The following RPSA2 variants were observed in gnomAD, a reference collection of about 807,000 sequenced individuals.
The protein encoded by RPSA2 is ribosomal protein SA 2.
the RPSA2 span, among the ~76,000 whole-genome samples, chr19:23,870,074 C>T: frequency 1.3e-5 from 2 of 152,152 alleles, no homozygotes; most frequent in African/African-American, 4.8e-5. Context: ...CTGTCTGAGC[C>T]TTGTGATGCC....
At chr19:23,826,141 A>T in the RPSA2 span, among the ~76,000 whole-genome samples, 8,642 of 151,760 alleles carry the variant, frequency 0.057, 277 homozygotes, top group Non-Finnish European at 0.065. Flanking sequence ...GCAAAGCTAA[A>T]TCTTAACACA....
chr19:23,773,532 T>A, the RPSA2 span, among the ~76,000 whole-genome samples: 1 of 152,154 alleles, frequency 6.6e-6, no homozygotes, highest in Non-Finnish European at 1.5e-5. Flanking sequence ...TCTGCCCGCC[T>A]CAGTCTCCCA....
At chr19:23,828,348 G>A in the RPSA2 span, among the ~76,000 whole-genome samples, 1 of 139,000 alleles carries the variant, frequency 7.2e-6, no homozygotes, top group African/African-American at 2.6e-5. Flanking sequence ...ATATTGTTGG[G>A]TAGTTTGTTT....
chr19:23,764,287 A>G, the RPSA2 span, among the ~76,000 whole-genome samples: 1 of 152,138 alleles, frequency 6.6e-6, no homozygotes, highest in African/African-American at 2.4e-5. Flanking sequence ...GCTTGCAGTA[A>G]AATTATAAAT....
chr19:23,863,527 G>C, the RPSA2 span, among the ~76,000 whole-genome samples: 8 of 135,846 alleles, frequency 5.9e-5, no homozygotes, highest in Admixed American at 8.0e-5. Flanking sequence ...TCACACCACT[G>C]TACTCCAGTC....
the RPSA2 span, chr19:23,833,206 A>G: frequency 1.0e-5 from 12 of 1,184,706 alleles, no homozygotes; most frequent in Non-Finnish European, 1.3e-5. Flanking sequence ...GAAAATTTAT[A>G]CTTGAAAGCA....
the RPSA2 span, among the ~76,000 whole-genome samples, chr19:23,805,145 ACACACACACACACACAC>A: frequency 1.3e-4 from 1 of 7,774 alleles, no homozygotes; most frequent in African/African-American, 1.7e-4. Context: ...ACACACACAC[ACACACACACACACACAC>A]ACTTTTTTTC....
the RPSA2 span, among the ~76,000 whole-genome samples, chr19:23,830,524 T>G: frequency 6.6e-6 from 1 of 152,328 alleles, no homozygotes. Context: ...TACATGTTTG[T>G]TATAAATATC....
At chr19:23,857,542 G>A in the RPSA2 span, among the ~76,000 whole-genome samples, 1 of 132,914 alleles carries the variant, frequency 7.5e-6, no homozygotes, top group African/African-American at 2.8e-5. Flanking sequence ...CCAGGCTAGA[G>A]TGCAGTGGTT....
At chr19:23,767,063 C>T in the RPSA2 span, among the ~76,000 whole-genome samples, 3 of 152,022 alleles carry the variant, frequency 2.0e-5, no homozygotes, top group African/African-American at 7.3e-5. Flanking sequence ...AACCATTCTC[C>T]TGCCTCAGCC....
At chr19:23,841,351 C>G in the RPSA2 span, among the ~76,000 whole-genome samples, 1 of 152,064 alleles carries the variant, frequency 6.6e-6, no homozygotes. Context: ...GTAGTCCCAG[C>G]TACTCGGGAG....
At chr19:23,870,958 T>C in the RPSA2 span, among the ~76,000 whole-genome samples, 42 of 152,348 alleles carry the variant, frequency 2.8e-4, no homozygotes, top group African/African-American at 8.7e-4. Flanking sequence ...TCCCTGGTGC[T>C]GTGCTCCTTG....
chr19:23,777,759 C>T, the RPSA2 span, among the ~76,000 whole-genome samples: 5 of 152,154 alleles, frequency 3.3e-5, no homozygotes, highest in African/African-American at 1.2e-4. Flanking sequence ...TCCTTGGGCT[C>T]AGCACCCAGG....
chr19:23,797,161 G>A, the RPSA2 span, among the ~76,000 whole-genome samples: 3 of 152,066 alleles, frequency 2.0e-5, no homozygotes, highest in Non-Finnish European at 2.9e-5. Flanking sequence ...CCCAGGCCAA[G>A]TGCAATGGCA....
At chr19:23,863,716 A>G in the RPSA2 span, among the ~76,000 whole-genome samples, 1 of 152,226 alleles carries the variant, frequency 6.6e-6, no homozygotes, top group African/African-American at 2.4e-5. Context: ...CTTCCTAGAG[A>G]CAAGCTGGAC....
chr19:23,809,881 C>G, the RPSA2 span, among the ~76,000 whole-genome samples: 1 of 152,172 alleles, frequency 6.6e-6, no homozygotes, highest in Non-Finnish European at 1.5e-5. Flanking sequence ...GAAGCATTGA[C>G]AATAAGAAAC....
chr19:23,827,554 C>T, the RPSA2 span: 1 of 1,594,746 alleles, frequency 6.3e-7, no homozygotes, highest in East Asian at 2.2e-5. Flanking sequence ...GGGCTGACCA[C>T]CAGCCTCTCA....
the RPSA2 span, among the ~76,000 whole-genome samples, chr19:23,770,534 CCT>C: frequency 8.5e-5 from 13 of 152,142 alleles, no homozygotes; most frequent in African/African-American, 2.9e-4. Context: ...GAGGCTTCTG[CCT>C]GAGCCCAGCA....
the RPSA2 span, among the ~76,000 whole-genome samples, chr19:23,849,594 G>C: frequency 2.0e-5 from 3 of 152,174 alleles, no homozygotes; most frequent in Non-Finnish European, 4.4e-5. Context: ...GCCTCAGGTG[G>C]GTAATGCCCT....
Sources: allele counts gnomAD v4.1 joint callset (sites outside exome capture counted in the v4.1 genomes callset), GRCh38; gene constraint gnomAD v4.1.1; transcripts MANE v1.5; gene names NCBI Gene and HGNC (gene_info 2026-07-23, HGNC 2026-07-21).